TBC1D30: variants seen among roughly 807,000 people sequenced by gnomAD.
The protein encoded by TBC1D30 is TBC1 domain family, member 30.
Under a neutral mutation model 63.2 loss-of-function variants are expected in TBC1D30, and 31 were observed. The observed-to-expected ratio is 0.49, with a 90% CI of 0.37 to 0.66. The LOEUF is 0.66. TBC1D30 is among the 30% of genes least tolerant of loss of function. The pLI is 0.00. For synonymous variants in TBC1D30, 307 were observed against 361.5 expected (o/e 0.85, Z 1.71); for missense variants, 810 against 953.6 (o/e 0.85, Z 1.98).
intron 7 of TBC1D30, among the ~76,000 whole-genome samples, chr12:64,841,413 A>T (rs1875857478): frequency 6.6e-6 from 1 of 152,034 alleles, no homozygotes; most frequent in African/African-American, 2.4e-5. Flanking sequence ...TGCCTGGCCC[A>T]CTGTGGTGTG....
chr12:64,876,595 G>A lies in TBC1D30; in HGVS notation c.*807G>A. On this transcript the variant is annotated 3_prime_UTR_variant, in exon 12 of 12. Transcript: ENST00000539867. ...CTCAGTGGTACGGATGACTTGATGG[G>A]CTCCATGCGGAGCCTGGCCTGCATC... The A allele has an allele frequency of 2.8e-6, 1 of 351,756 alleles. No homozygotes were observed. Among genetic ancestry groups the A allele is most frequent in the Non-Finnish European group, 5.6e-6 (1 of 177,384 alleles). The allele number at this position is 351,756 out of a possible 1,614,324, so 21.8% of individuals were successfully genotyped here.
At chr12:64,833,605 G>T (rs895143660) in intron 5 of TBC1D30, among the ~76,000 whole-genome samples, 1 of 152,132 alleles carries the variant, frequency 6.6e-6, no homozygotes, top group African/African-American at 2.4e-5. Flanking sequence ...ACTGATTAAT[G>T]TGATGTGGAA....
chr12:64,805,705 C>T (rs921440626), intron 2 of TBC1D30, among the ~76,000 whole-genome samples: 4 of 151,958 alleles, frequency 2.6e-5, no homozygotes, highest in African/African-American at 7.3e-5. Context: ...TGGTGGCGGG[C>T]ACCTGTAGTC....
chr12:64,772,232 T>C (rs139074940), intron 1 of TBC1D30, among the ~76,000 whole-genome samples: 4,021 of 134,220 alleles, frequency 0.03, 215 homozygotes, highest in African/African-American at 0.11. Flanking sequence ...AGTGAAACTC[T>C]GTCTCAAAAA....
chr12:64,844,269 G>A (rs544404489), intron 8 of TBC1D30, among the ~76,000 whole-genome samples: 2 of 152,220 alleles, frequency 1.3e-5, no homozygotes, highest in Non-Finnish European at 2.9e-5. Context: ...TATTTTTTAT[G>A]GCATGTTACT....
In TBC1D30 at chr12:64,855,424, T is replaced by A. The variant is rs117140754; in HGVS notation, c.1039-9244T>A. Among the ~76,000 whole-genome samples, 1,455 of 152,322 alleles carry A rather than the reference T, an allele frequency of 9.6e-3. 18 individuals carry two copies. The highest frequency in any genetic ancestry group is 0.015 in the Admixed American group (235 of 15,294). On this transcript the variant is annotated intron_variant, in intron 8 of 11. Transcript: ENST00000539867. ...TCTTTGAATAAGTTTCCTATCCCTA[T>A]CTCTTTCTCTAACTCCACTTTAAGG...
chr12:64,781,112 G>T (rs1161886356), exon 1 of TBC1D30: 1 of 1,004,402 alleles, frequency 1.0e-6, no homozygotes, highest in Admixed American at 6.1e-5. Context: ...GGCGGGCGGG[G>T]GCCGCGGGGC....
At chr12:64,781,319 T>C (rs940220400) in intron 1 of TBC1D30, 1 of 1,080,506 alleles carries the variant, frequency 9.3e-7, no homozygotes, top group South Asian at 2.1e-5. Flanking sequence ...TCCCGGGGGC[T>C]TCCTGGAGCC....
chr12:64,867,314 A>C (rs1878303217), intron 10 of TBC1D30, among the ~76,000 whole-genome samples: 1 of 151,878 alleles, frequency 6.6e-6, no homozygotes, highest in Non-Finnish European at 1.5e-5. Context: ...AAATACAAAA[A>C]TTAGCTGTGG....
intron 2 of TBC1D30, among the ~76,000 whole-genome samples, chr12:64,789,511 A>G (rs1458066120): frequency 6.6e-6 from 1 of 152,164 alleles, no homozygotes; most frequent in Admixed American, 6.5e-5. Flanking sequence ...AACATGCTAT[A>G]GAATAAAAAC....
intron 1 of TBC1D30, among the ~76,000 whole-genome samples, chr12:64,772,237 C>CAA (rs747871090): frequency 1.4e-3 from 70 of 49,194 alleles, no homozygotes; most frequent in African/African-American, 4.3e-3. Flanking sequence ...AACTCTGTCT[C>CAA]AAAAAAAAAA....
At position 64,835,332 on chromosome 12, in the gene TBC1D30, G is replaced by A. The variant is rs773818750; in HGVS notation, c.595-1158G>A. ...TGACCCTGAAAAGTGGAAATTATAA[G>A]CTGGGGAGGAGGGGAAAATGGGCCC... On this transcript the variant is annotated intron_variant, in intron 5 of 11. Coordinates refer to ENST00000539867, the MANE Select transcript of TBC1D30 (RefSeq NM_015279.2). 4.0e-4 allele frequency among the ~76,000 whole-genome samples: 61 copies of A among 152,128 alleles called. 1 individual carries two copies. The highest frequency in any genetic ancestry group is 2.7e-3 in the Admixed American group (41 of 15,280).
Position 64,840,004 on chromosome 12 carries a change from C to CAAAAAAAAAAAAAAAAAA in TBC1D30, c.932+1160_932+1177dup, listed in dbSNP as rs60440376. On this transcript the variant is annotated intron_variant, in intron 7 of 11. Coordinates refer to ENST00000539867, the MANE Select transcript of TBC1D30 (RefSeq NM_015279.2). ...TGGACGACAGAGCAAGACTCTGTCT[C>CAAAAAAAAAAAAAAAAAA]AAAAAAAAAAAAAAAAAAAAAAAAT... Among the ~76,000 whole-genome samples the CAAAAAAAAAAAAAAAAAA allele has an allele frequency of 3.8e-4, 37 of 98,310 alleles. 1 individual carries two copies. The highest frequency in any genetic ancestry group is 1.7e-3 in the African/African-American group (33 of 19,324). The allele number at this position is 98,310 out of a possible 152,430, so 64.5% of individuals were successfully genotyped here. A position where few individuals can be genotyped will look rare whatever the true frequency, so the allele number is the denominator to read the frequency against.
At chr12:64,851,879 A>G (rs748924508) in intron 8 of TBC1D30, among the ~76,000 whole-genome samples, 5 of 152,216 alleles carry the variant, frequency 3.3e-5, no homozygotes, top group Non-Finnish European at 5.9e-5. Flanking sequence ...GGGTTTCTGC[A>G]GAGAGATCCA....
At chr12:64,874,208 C>CT (rs1301448945) in intron 11 of TBC1D30, among the ~76,000 whole-genome samples, 2 of 152,232 alleles carry the variant, frequency 1.3e-5, no homozygotes, top group East Asian at 3.8e-4. Context: ...CTGCCTCAGC[C>CT]TCCCAAGTAG....
At position 64,774,833 on chromosome 12, in the gene TBC1D30, C is replaced by T. The variant is rs543921633; in HGVS notation, c.-375-11048C>T. On this transcript the variant is annotated intron_variant, in intron 1 of 13. Coordinates refer to the TBC1D30 transcript ENST00000674237. Reference sequence around the variant, plus strand: ...GAAGGCCGGGCATGGTGGCTCATGTCTGTAATCCCAGCACTTTGGGAGGCC... The same window carrying T: ...GAAGGCCGGGCATGGTGGCTCATGTTTGTAATCCCAGCACTTTGGGAGGCC... Among the ~76,000 whole-genome samples, 313 of 152,238 alleles carry T rather than the reference C, an allele frequency of 2.1e-3. 1 individual carries two copies. Among genetic ancestry groups the T allele is most frequent in the Non-Finnish European group, 3.8e-3 (260 of 68,024 alleles).
At chr12:64,776,607 C>T (rs1417193147), upstream of TBC1D30, among the ~76,000 whole-genome samples, 1 of 152,016 alleles carries the variant, frequency 6.6e-6, no homozygotes, top group Non-Finnish European at 1.5e-5. Flanking sequence ...GAAATTGAGG[C>T]AGTAATAAAT....
chr12:64,872,308 G>A (rs900612377), intron 11 of TBC1D30, among the ~76,000 whole-genome samples: 1 of 152,312 alleles, frequency 6.6e-6, no homozygotes, highest in East Asian at 1.9e-4. Context: ...GATTACAGGA[G>A]TGGGCCACCG....
chr12:64,823,348 C>T (rs567044994), upstream of TBC1D30, among the ~76,000 whole-genome samples: 11 of 152,260 alleles, frequency 7.2e-5, no homozygotes, highest in Admixed American at 7.2e-4. Flanking sequence ...TGTTCTATGT[C>T]AACTTAAGAG....
Sources: gnomAD v4.1 joint callset for allele counts (sites outside exome capture counted in the v4.1 genomes callset) on GRCh38, gnomAD v4.1.1 for gene constraint, MANE v1.5 for transcripts, NCBI Gene and HGNC (gene_info 2026-07-23, HGNC 2026-07-21) for gene names.